Variants in LRRTM4 observed in about 807,000 individuals in gnomAD.
LRRTM4 encodes leucine-rich repeat transmembrane neuronal protein 4.
A neutral mutation model predicts 47.6 loss-of-function variants in LRRTM4; 25 were observed. The observed-to-expected ratio is 0.53, with a 90% CI of 0.38 to 0.73. The LOEUF (loss-of-function observed/expected upper bound fraction) is 0.73. LRRTM4 is among the 30% of genes least tolerant of loss of function. The probability of loss-of-function intolerance (pLI) is 0.00; values close to 1 mark genes in which losing one functional copy is unlikely to be tolerated. For missense variants in LRRTM4, 638 were observed against 713.4 expected, an observed-to-expected ratio of 0.89 and a Z score of 1.20; for synonymous variants, 311 against 269.5, an observed-to-expected ratio of 1.15 and a Z score of -1.51.
At chr2:76,953,278 A>T (rs748709507) in intron 3 of LRRTM4, among the ~76,000 whole-genome samples, 8 of 151,966 alleles carry the variant, frequency 5.3e-5, no homozygotes, top group Non-Finnish European at 1.0e-4. Flanking sequence ...CCCCCACAGG[A>T]ACACTGATCT....
chr2:77,407,845 T>A (rs1674274835), intron 3 of LRRTM4, among the ~76,000 whole-genome samples: 1 of 150,642 alleles, frequency 6.6e-6, no homozygotes, highest in Admixed American at 6.7e-5. Flanking sequence ...CTGTTAACAG[T>A]CTTGCTCAGG....
intron 3 of LRRTM4, among the ~76,000 whole-genome samples, chr2:77,269,948 T>C (rs1347902299): frequency 6.6e-6 from 1 of 152,256 alleles, no homozygotes; most frequent in Non-Finnish European, 1.5e-5. Flanking sequence ...GGCACTTTCA[T>C]GGAGGACCAT....
At chr2:77,361,132 T>TG (rs1384644098) in intron 3 of LRRTM4, among the ~76,000 whole-genome samples, 1 of 152,106 alleles carries the variant, frequency 6.6e-6, no homozygotes, top group Non-Finnish European at 1.5e-5. Context: ...GTTGGTTCTT[T>TG]ATCAGCTCCT....
chr2:76,956,320 AAATT>A (rs1282216769), intron 3 of LRRTM4, among the ~76,000 whole-genome samples: 1 of 151,722 alleles, frequency 6.6e-6, no homozygotes, highest in Non-Finnish European at 1.5e-5. Flanking sequence ...AAATAAAAGA[AAATT>A]AAACACATTT....
At chr2:77,154,637 T>C (rs1292046152) in intron 3 of LRRTM4, among the ~76,000 whole-genome samples, 2 of 152,188 alleles carry the variant, frequency 1.3e-5, no homozygotes, top group African/African-American at 4.8e-5. Context: ...GCTGAGATGA[T>C]AGGTACATTT....
intron 3 of LRRTM4, among the ~76,000 whole-genome samples, chr2:77,397,176 CA>C (rs1333568100): frequency 6.6e-6 from 1 of 151,830 alleles, no homozygotes; most frequent in African/African-American, 2.4e-5. Flanking sequence ...ATACCAAGAT[CA>C]AAATATTTCT....
At chr2:77,515,603 T>G (rs1679177000) in intron 3 of LRRTM4, among the ~76,000 whole-genome samples, 1 of 151,756 alleles carries the variant, frequency 6.6e-6, no homozygotes, top group African/African-American at 2.4e-5. Context: ...TTTTTAATTT[T>G]TTTTTAAAAA....
intron 3 of LRRTM4, among the ~76,000 whole-genome samples, chr2:77,263,463 T>TG (rs979482202): frequency 6.6e-6 from 1 of 152,004 alleles, no homozygotes. Context: ...ATATCTGCAG[T>TG]GGGGGTATCT....
intron 3 of LRRTM4, among the ~76,000 whole-genome samples, chr2:77,491,453 A>G (rs978617184): frequency 6.6e-6 from 1 of 152,062 alleles, no homozygotes; most frequent in Admixed American, 6.6e-5. Flanking sequence ...AACAATATCA[A>G]TCCAACAGTT....
rs187898402 is a variant in LRRTM4, at chr2:77,417,155, T to C, written c.1551+101163A>G. 6.4e-3 allele frequency among the ~76,000 whole-genome samples: 971 copies of C among 152,252 alleles called. 6 individuals are homozygous for C. The highest frequency in any genetic ancestry group is 0.022 in the African/African-American group (910 of 41,534). On this transcript the variant is annotated intron_variant, in intron 3 of 3. Coordinates refer to ENST00000409884, the MANE Select transcript of LRRTM4 (RefSeq NM_001134745.3). ...CACATGAAAAAATGCTCATCATCAC[T>C]GGCCATCAAACAAATGCAAATCAAA...
chr2:76,964,576 T>C (rs1334600796), intron 3 of LRRTM4, among the ~76,000 whole-genome samples: 1 of 150,878 alleles, frequency 6.6e-6, no homozygotes, highest in Non-Finnish European at 1.5e-5. Context: ...GTTTGACATA[T>C]TGAAAACTGA....
At chr2:77,307,567 TA>T (rs1677318939) in intron 3 of LRRTM4, among the ~76,000 whole-genome samples, 1 of 132,806 alleles carries the variant, frequency 7.5e-6, no homozygotes, top group South Asian at 2.3e-4. Context: ...AATATAAATA[TA>T]TAGATATATC....
At chr2:77,373,994 A>G (rs1672740569) in intron 3 of LRRTM4, among the ~76,000 whole-genome samples, 1 of 151,832 alleles carries the variant, frequency 6.6e-6, no homozygotes, top group African/African-American at 2.4e-5. Flanking sequence ...CTTGCTGGAA[A>G]TGAGAGACTG....
At chr2:76,855,197 G>T (rs1351396554) in intron 3 of LRRTM4, among the ~76,000 whole-genome samples, 1 of 152,132 alleles carries the variant, frequency 6.6e-6, no homozygotes, top group East Asian at 1.9e-4. Context: ...AGGAGGAAAG[G>T]TAACTGGCAC....
At chr2:77,327,462 T>C (rs1232223751) in intron 3 of LRRTM4, among the ~76,000 whole-genome samples, 4 of 152,200 alleles carry the variant, frequency 2.6e-5, no homozygotes, top group African/African-American at 7.2e-5. Flanking sequence ...ATAATAAAGA[T>C]TGTTATGCAA....
chr2:76,773,803 G>C (rs1673824484), intron 3 of LRRTM4, among the ~76,000 whole-genome samples: 1 of 150,350 alleles, frequency 6.7e-6, no homozygotes, highest in Non-Finnish European at 1.5e-5. Context: ...CAAAGTTTTT[G>C]GCATTTTTTT....
intron 3 of LRRTM4, among the ~76,000 whole-genome samples, chr2:77,044,147 A>G (rs1287012729): frequency 6.6e-6 from 1 of 151,980 alleles, no homozygotes; most frequent in East Asian, 1.9e-4. Flanking sequence ...TCTTGGTATT[A>G]GAATATGTTA....
intron 3 of LRRTM4, among the ~76,000 whole-genome samples, chr2:77,029,052 AATATATATATATAT>A (rs1182040448): frequency 1.4e-5 from 2 of 140,642 alleles, no homozygotes; most frequent in African/African-American, 2.6e-5. Context: ...CACACACACA[AATATATATATATAT>A]ATATAATATA....
At chr2:77,159,233 A>T (rs1019419284) in intron 3 of LRRTM4, among the ~76,000 whole-genome samples, 2 of 152,212 alleles carry the variant, frequency 1.3e-5, no homozygotes, top group African/African-American at 4.8e-5. Context: ...TCCCAAAAAC[A>T]TAACCACTAA....
Sources: allele counts gnomAD v4.1 joint callset (sites outside exome capture counted in the v4.1 genomes callset), GRCh38; gene constraint gnomAD v4.1.1; transcripts MANE v1.5; gene names NCBI Gene and HGNC (gene_info 2026-07-23, HGNC 2026-07-21).